Variants in CELF2 observed in about 807,000 individuals in gnomAD.
CELF2 encodes the protein CUG triplet repeat RNA-binding protein 2.
In CELF2, 8 loss-of-function variants were observed where a neutral mutation model predicts 62.6. The ratio of observed to expected loss-of-function variants is 0.13; its 90% CI spans 0.07 to 0.23. CELF2 has a LOEUF of 0.23. CELF2 is among the 10% of genes least tolerant of loss of function. The probability of loss-of-function intolerance (pLI) is 1.00; values close to 1 mark genes in which losing one functional copy is unlikely to be tolerated. For synonymous variants in CELF2, 258 were observed against 250.0 expected (o/e 1.03, Z -0.30); for missense variants, 333 against 671.0 (o/e 0.50, Z 5.56).
upstream of CELF2, among the ~76,000 whole-genome samples, chr10:11,015,698 A>G (rs2057162411): frequency 6.6e-6 from 1 of 152,206 alleles, no homozygotes; most frequent in African/African-American, 2.4e-5. The surrounding 1 kb of genome is among the most constrained non-coding windows in gnomAD (Gnocchi z 4.8). Flanking sequence ...TCCTCTCTCT[A>G]TGACCTACTT....
chr10:11,006,811 G>A (rs2055360230), intron 1 of CELF2, among the ~76,000 whole-genome samples: 1 of 152,150 alleles, frequency 6.6e-6, no homozygotes, highest in South Asian at 2.1e-4. Flanking sequence ...TTATGCTTAT[G>A]TCCTTATAAA....
chr10:10,893,808 T>A (rs181934587), intron 1 of CELF2, among the ~76,000 whole-genome samples: 2 of 152,220 alleles, frequency 1.3e-5, no homozygotes, highest in Non-Finnish European at 2.9e-5. Context: ...TCACTCACTA[T>A]CTCAAGAACA....
rs1018035847 is a variant in CELF2, at chr10:11,177,852, T to C, written c.271+12170T>C. On this transcript the variant is annotated intron_variant, in intron 2 of 12. Transcript: ENST00000633077. This position sits in a 1 kb window ranked among gnomAD's most constrained non-coding sequence, Gnocchi z 4.8. ...TCCCAAAGCATTCTCCCTAACCCCA[T>C]GGTGGAGGCTGCGGAGAGTGTTGTA... is the stretch of plus-strand genomic sequence containing the variant. 6.6e-6 allele frequency among the ~76,000 whole-genome samples: 1 copy of C among 151,986 alleles called. No homozygotes were observed. Among genetic ancestry groups the C allele is most frequent in the Non-Finnish European group, 1.5e-5 (1 of 67,970 alleles).
chr10:10,915,367 A>G (rs1305235845), intron 1 of CELF2, among the ~76,000 whole-genome samples: 3 of 152,190 alleles, frequency 2.0e-5, no homozygotes, highest in Non-Finnish European at 4.4e-5. Context: ...TGAGTATTCA[A>G]CATCTTATAT....
chr10:11,216,000 T>C (rs114144616), intron 2 of CELF2, among the ~76,000 whole-genome samples: 104 of 152,306 alleles, frequency 6.8e-4, no homozygotes, highest in African/African-American at 2.5e-3. Flanking sequence ...ATAGCTGAAA[T>C]AAGATGCTCG....
At chr10:10,688,206 A>G in the CELF2 span, among the ~76,000 whole-genome samples, 1 of 152,210 alleles carries the variant, frequency 6.6e-6, no homozygotes, top group Non-Finnish European at 1.5e-5. Context: ...TGTCAAAGCA[A>G]GAACTGTAGG....
the CELF2 span, among the ~76,000 whole-genome samples, chr10:10,783,278 CGG>C: frequency 1.5e-4 from 23 of 152,104 alleles, no homozygotes; most frequent in Non-Finnish European, 3.1e-4. Flanking sequence ...AGCCCTAATC[CGG>C]TATGACTGTG....
At chr10:10,774,686 A>G in the CELF2 span, among the ~76,000 whole-genome samples, 1 of 152,052 alleles carries the variant, frequency 6.6e-6, no homozygotes, top group Non-Finnish European at 1.5e-5. Flanking sequence ...GAGCCAATTA[A>G]ACCTCTTTTC....
At chr10:10,532,901 ATAG>A in the CELF2 span, among the ~76,000 whole-genome samples, 1 of 149,874 alleles carries the variant, frequency 6.7e-6, no homozygotes, top group Non-Finnish European at 1.5e-5. Context: ...AAAAAAAAAA[ATAG>A]AGAGCAACCC....
At position 10,798,681 on chromosome 10, in the gene CELF2, T is replaced by G. The variant is rs138126685; in HGVS notation, c.-84T>G. 2.3e-3 allele frequency: 917 copies of G among 398,862 alleles called. 6 individuals carry two copies. The highest frequency in any genetic ancestry group is 0.017 in the African/African-American group (816 of 48,746). The allele number at this position is 398,862 out of a possible 1,614,324, so 24.7% of individuals were successfully genotyped here. Reference sequence around the variant, plus strand: ...AGCCGCGGGGCGCCAGGGCCCGGCCTGGGTCCAGAATCCTCCGTCTGTTCC... The same window carrying G: ...AGCCGCGGGGCGCCAGGGCCCGGCCGGGGTCCAGAATCCTCCGTCTGTTCC... On this transcript the variant is annotated 5_prime_UTR_variant, in exon 1 of 14. Coordinates refer to the CELF2 transcript ENST00000636488.
At chr10:11,089,506 G>A (rs1307741478) in intron 1 of CELF2, among the ~76,000 whole-genome samples, 1 of 152,228 alleles carries the variant, frequency 6.6e-6, no homozygotes, top group Non-Finnish European at 1.5e-5. Flanking sequence ...CCAAGAAGGG[G>A]AGGGACAGAC....
chr10:11,150,339 A>G (rs530819100), intron 1 of CELF2, among the ~76,000 whole-genome samples: 24 of 152,310 alleles, frequency 1.6e-4, no homozygotes, highest in Admixed American at 3.3e-4. Context: ...GTGCACTGCT[A>G]TCTAAACATG....
At chr10:10,673,153 C>T in the CELF2 span, among the ~76,000 whole-genome samples, 3 of 151,976 alleles carry the variant, frequency 2.0e-5, no homozygotes, top group East Asian at 1.9e-4. Context: ...CCATAATAAT[C>T]GCTTACTAGT....
the CELF2 span, among the ~76,000 whole-genome samples, chr10:10,471,776 A>G: frequency 0.23 from 35,439 of 151,688 alleles, 4,788 homozygotes; most frequent in African/African-American, 0.38. Flanking sequence ...CATTACTTGG[A>G]ATGCTATCCT....
chr10:10,471,965 T>A, the CELF2 span, among the ~76,000 whole-genome samples: 1 of 151,908 alleles, frequency 6.6e-6, no homozygotes, highest in South Asian at 2.1e-4. Context: ...GAGTTAGTAG[T>A]CAATCAAAGC....
At position 10,928,988 on chromosome 10, in the gene CELF2, A is replaced by AAT. The variant is rs2065810498; in HGVS notation, c.89+8992_89+8993dup. Among the ~76,000 whole-genome samples, 3 of 152,202 alleles carry AAT rather than the reference A, an allele frequency of 2.0e-5. No individual in the cohort carries two copies. In the South Asian group the frequency reaches 6.2e-4, roughly 32 times the overall value. On this transcript the variant is annotated intron_variant, in intron 2 of 13. Coordinates refer to the CELF2 transcript ENST00000636488. This position sits in a 1 kb window ranked among gnomAD's most constrained non-coding sequence, Gnocchi z 4.8. ...TAATAAATGTTTAAATCAATGAATAAATATTTGAATTGGGAAGGGAAGGAG... is the reference window on the plus strand; with the variant it reads ...TAATAAATGTTTAAATCAATGAATAAATATATTTGAATTGGGAAGGGAAGGAG...
intron 1 of CELF2, among the ~76,000 whole-genome samples, chr10:10,918,593 T>C (rs1022598441): frequency 2.0e-5 from 3 of 152,036 alleles, no homozygotes; most frequent in Admixed American, 2.0e-4. Context: ...GCTGGGAGGG[T>C]CAGGGAATGT....
chr10:10,922,157 A>T (rs1174101079), intron 2 of CELF2, among the ~76,000 whole-genome samples: 2 of 152,090 alleles, frequency 1.3e-5, no homozygotes, highest in Non-Finnish European at 2.9e-5. Context: ...TATTTAAATT[A>T]CTGTAGGTCT....
At chr10:10,613,332 T>C in the CELF2 span, among the ~76,000 whole-genome samples, 1 of 152,218 alleles carries the variant, frequency 6.6e-6, no homozygotes, top group Non-Finnish European at 1.5e-5. Context: ...GGTATTTACA[T>C]ATAATATCCA....
Sources: gnomAD v4.1 joint callset for allele counts (sites outside exome capture counted in the v4.1 genomes callset) on GRCh38, gnomAD v4.1.1 for gene constraint, Gnocchi (gnomAD v3.1) non-coding constraint, MANE v1.5 for transcripts, NCBI Gene and HGNC (gene_info 2026-07-23, HGNC 2026-07-21) for gene names.